IL19: variants seen among roughly 807,000 people sequenced by gnomAD.
IL19 encodes the protein interleukin-19.
IL19 carries 15 observed loss-of-function variants against 19.5 expected under a neutral mutation model. The ratio of observed to expected loss-of-function variants is 0.77; its 90% confidence interval spans 0.52 to 1.19. The LOEUF is 1.19. IL19 is among the 50% of genes most tolerant of loss of function. The pLI, the probability that IL19 is intolerant of heterozygous loss-of-function variation, is 0.00. For synonymous variants in IL19, 78 were observed against 78.3 expected, an observed-to-expected ratio of 1.00 and a Z score of 0.02; for missense variants, 199 against 213.1, an observed-to-expected ratio of 0.93 and a Z score of 0.41.
intron 5 of IL19, chr1:206,840,521 T>C (rs2243185): frequency 4.6e-6 from 1 of 218,514 alleles, no homozygotes; most frequent in Non-Finnish European, 9.2e-6. Context: ...CTGTGAGACT[T>C]TGTGGCAAGT....
At chr1:206,810,737 CATGCTGAAATGTGATCCCCA>C (rs1439656324) in intron 2 of IL19, among the ~76,000 whole-genome samples, 3 of 152,226 alleles carry the variant, frequency 2.0e-5, no homozygotes, top group African/African-American at 7.2e-5. Flanking sequence ...CTCCAAATCT[CATGCTGAAATGTGATCCCCA>C]ATGCTGGAGT....
At chr1:206,832,869 C>G (rs2243156) in intron 2 of IL19, among the ~76,000 whole-genome samples, 135,376 of 152,216 alleles carry the variant, frequency 0.89, 60,325 homozygotes, top group South Asian at 0.92. Context: ...GACATCAAGT[C>G]CCTGGGGTTT....
At chr1:206,780,618 A>T (rs1048766542) in intron 1 of IL19, among the ~76,000 whole-genome samples, 1 of 152,224 alleles carries the variant, frequency 6.6e-6, no homozygotes, top group African/African-American at 2.4e-5. Flanking sequence ...TGGACGTCAG[A>T]AGAAGAGGGG....
intron 2 of IL19, 138 bp from the exon 3 acceptor site, chr1:206,836,523 A>T: frequency 1.3e-6 from 1 of 766,334 alleles, no homozygotes; most frequent in Non-Finnish European, 2.1e-6. Flanking sequence ...TAACTCCTCA[A>T]GGCTGAAGTG....
chr1:206,804,652 C>T (rs933918304), intron 2 of IL19, among the ~76,000 whole-genome samples: 4 of 152,136 alleles, frequency 2.6e-5, no homozygotes, highest in Non-Finnish European at 4.4e-5. Flanking sequence ...ACCAGAGATG[C>T]CTGAGGGAAT....
chr1:206,777,778 C>G (rs1384858743), intron 1 of IL19, among the ~76,000 whole-genome samples: 1 of 152,254 alleles, frequency 6.6e-6, no homozygotes, highest in African/African-American at 2.4e-5. Context: ...TTTTTTAAAG[C>G]TGATAACGGG....
chr1:206,842,703 A>G lies in IL19; in HGVS notation c.*81A>G. On this transcript the variant is annotated 3_prime_UTR_variant, in exon 7 of 7. Transcript: ENST00000659997. Reference sequence around the variant, plus strand: ...TGGGAGACAGCCCACCTTGAAGGGGAAGGAGATGGGGAAGGCCCCTTGCAG... The same window carrying G: ...TGGGAGACAGCCCACCTTGAAGGGGGAGGAGATGGGGAAGGCCCCTTGCAG... 1 of 831,492 alleles carries G rather than the reference A, an allele frequency of 1.2e-6. No individual in the cohort carries two copies. Among genetic ancestry groups the G allele is most frequent in the Non-Finnish European group, 1.9e-6 (1 of 513,874 alleles). The allele number at this position is 831,492 out of a possible 1,614,324, so 51.5% of individuals were successfully genotyped here.
At chr1:206,780,249 T>A (rs1224413845) in intron 1 of IL19, among the ~76,000 whole-genome samples, 2 of 152,252 alleles carry the variant, frequency 1.3e-5, no homozygotes, top group Non-Finnish European at 2.9e-5. Flanking sequence ...CCTGTGAGAC[T>A]GTGACCACTT....
At chr1:206,817,907 G>A (rs978952938) in intron 2 of IL19, among the ~76,000 whole-genome samples, 6 of 152,084 alleles carry the variant, frequency 3.9e-5, no homozygotes, top group Admixed American at 2.0e-4. Flanking sequence ...AAGATTGCAG[G>A]CGTGTGCCAC....
chr1:206,781,174 G>A (rs762791615), intron 1 of IL19, among the ~76,000 whole-genome samples: 1 of 151,950 alleles, frequency 6.6e-6, no homozygotes, highest in East Asian at 1.9e-4. Context: ...GGCCAGGCGC[G>A]GTGGCTCACG....
chr1:206,772,393 C>T lies in IL19; in HGVS notation c.-149+1315C>T, dbSNP rs145922845. ...CCCTGGCCTGGGCTGGCCCTCACCC[C>T]AGTCAGGAGGACCAGGCAACAGAGC... On this transcript the variant is annotated intron_variant, in intron 1 of 6. Coordinates refer to ENST00000659997, the MANE Select transcript of IL19 (RefSeq NM_153758.5). The T allele has an allele frequency of 3.1e-3, 4,927 of 1,614,206 alleles. 11 individuals are homozygous for T. Among genetic ancestry groups the T allele is most frequent in the Non-Finnish European group, 3.9e-3 (4,606 of 1,180,026 alleles).
chr1:206,842,285 A>C (rs1376032447), intron 6 of IL19, among the ~76,000 whole-genome samples: 6 of 152,220 alleles, frequency 3.9e-5, no homozygotes, highest in Admixed American at 3.9e-4. Context: ...AGGGAAAAGA[A>C]TGAAGAATTT....
intron 1 of IL19, among the ~76,000 whole-genome samples, chr1:206,797,097 C>G (rs749362231): frequency 1.1e-4 from 16 of 152,168 alleles, no homozygotes; most frequent in Non-Finnish European, 1.8e-4. Context: ...GGTCAGGGCT[C>G]ACTCCCTGCA....
At chr1:206,817,078 GA>G (rs567019858) in intron 2 of IL19, among the ~76,000 whole-genome samples, 34 of 151,278 alleles carry the variant, frequency 2.2e-4, no homozygotes, top group Non-Finnish European at 1.8e-4. Context: ...CTGATATCAA[GA>G]AAAAAAAACT....
At chr1:206,814,310 A>T (rs1676092151) in intron 2 of IL19, among the ~76,000 whole-genome samples, 1 of 151,860 alleles carries the variant, frequency 6.6e-6, no homozygotes, top group South Asian at 2.1e-4. Context: ...TGCCAAACCC[A>T]AGTATGTAGC....
chr1:206,783,363 T>G (rs1248706924), intron 1 of IL19, among the ~76,000 whole-genome samples: 2 of 152,190 alleles, frequency 1.3e-5, no homozygotes, highest in African/African-American at 4.8e-5. Flanking sequence ...TTTTTAAGAT[T>G]AAAATACTTA....
intron 2 of IL19, among the ~76,000 whole-genome samples, chr1:206,813,315 C>T (rs904941238): frequency 1.3e-5 from 2 of 152,206 alleles, no homozygotes; most frequent in African/African-American, 2.4e-5. Flanking sequence ...GAGGGTTTCC[C>T]GTCTGCTTGT....
Position 206,841,852 on chromosome 1 carries a change from G to A in IL19, c.439-675G>A, listed in dbSNP as rs2243190. Among the ~76,000 whole-genome samples the A allele has an allele frequency of 9.5e-3, 1,448 of 152,280 alleles. 24 individuals are homozygous for A. Among genetic ancestry groups the A allele is most frequent in the African/African-American group, 0.031 (1,273 of 41,558 alleles). On this transcript the variant is annotated intron_variant, in intron 6 of 6. Transcript: ENST00000659997. ...AATGCTATGAGTCATTATCTGCATT[G>A]GATACATTAAGAAACTGAGGCTCGA...
intron 2 of IL19, among the ~76,000 whole-genome samples, chr1:206,830,030 GGA>G (rs1411734278): frequency 6.6e-6 from 1 of 152,188 alleles, no homozygotes; most frequent in Non-Finnish European, 1.5e-5. Flanking sequence ...GCATGGCTTG[GGA>G]GAGTTATGTC....
Sources: allele counts gnomAD v4.1 joint callset (sites outside exome capture counted in the v4.1 genomes callset), GRCh38; gene constraint gnomAD v4.1.1; transcripts MANE v1.5; gene names NCBI Gene and HGNC (gene_info 2026-07-23, HGNC 2026-07-21).